Variants in UBE2L3 observed in about 807,000 individuals in gnomAD.
UBE2L3 encodes the protein ubiquitin conjugating enzyme E2 L3, also known as ubiquitin-conjugating enzyme E2 L3.
In UBE2L3, 1 loss-of-function variant was observed where a neutral mutation model predicts 17.8. The ratio of observed to expected loss-of-function variants is 0.06; its 90% confidence interval spans 0.02 to 0.27. The LOEUF is 0.27. Ranked by LOEUF, UBE2L3 falls within the 10% of genes least tolerant of loss-of-function variation. The pLI is 1.00. For missense variants in UBE2L3, 40 were observed against 192.6 expected (o/e 0.21, Z 4.69); for synonymous variants, 44 against 68.5 (o/e 0.64, Z 1.76).
At chr22:21,594,817 C>T (rs1231456331) in intron 2 of UBE2L3, among the ~76,000 whole-genome samples, 2 of 152,158 alleles carry the variant, frequency 1.3e-5, no homozygotes, top group African/African-American at 2.4e-5. Context: ...ACCATCTGAC[C>T]TCTTGTCCCT....
At chr22:21,584,575 G>C (rs1034144964) in intron 1 of UBE2L3, among the ~76,000 whole-genome samples, 6 of 151,836 alleles carry the variant, frequency 4.0e-5, no homozygotes, top group Non-Finnish European at 2.9e-5. Context: ...ATGATCATGG[G>C]CTCAGGCAAT....
intron 1 of UBE2L3, 102 bp downstream of exon 1, chr22:21,567,873 C>G (rs772739662): frequency 8.4e-6 from 13 of 1,544,450 alleles, no homozygotes; most frequent in Non-Finnish European, 9.6e-6. Context: ...GTCTGGCTTC[C>G]TGCCCTACAC....
chr22:21,562,801 G>T (rs1318422327), upstream of UBE2L3, among the ~76,000 whole-genome samples: 2 of 150,808 alleles, frequency 1.3e-5, no homozygotes, highest in African/African-American at 4.9e-5. Context: ...CACCGCGCCT[G>T]GCCCTGTGTA....
chr22:21,599,866 G>C (rs1568982066), intron 2 of UBE2L3, among the ~76,000 whole-genome samples: 2 of 152,138 alleles, frequency 1.3e-5, no homozygotes, highest in Non-Finnish European at 2.9e-5. Flanking sequence ...AGTGAATTAT[G>C]TATGAGAAGT....
chr22:21,604,824 C>T (rs561007190), intron 2 of UBE2L3, among the ~76,000 whole-genome samples: 18 of 152,318 alleles, frequency 1.2e-4, no homozygotes, highest in African/African-American at 4.3e-4. Context: ...CTCCTTTGAC[C>T]ATCCACAGAT....
At chr22:21,596,659 G>A (rs1453320084) in intron 2 of UBE2L3, among the ~76,000 whole-genome samples, 3 of 151,854 alleles carry the variant, frequency 2.0e-5, no homozygotes, top group African/African-American at 4.8e-5. Flanking sequence ...GCTAATTTTT[G>A]TACTTTTAGT....
chr22:21,588,078 C>G (rs1407708592), intron 1 of UBE2L3, among the ~76,000 whole-genome samples: 1 of 152,184 alleles, frequency 6.6e-6, no homozygotes, highest in African/African-American at 2.4e-5. Context: ...CAGCACTGCA[C>G]CATCAGCCCT....
At chr22:21,600,770 C>T (rs1928815486) in intron 2 of UBE2L3, among the ~76,000 whole-genome samples, 2 of 152,164 alleles carry the variant, frequency 1.3e-5, no homozygotes, top group African/African-American at 4.8e-5. Flanking sequence ...GAAAACAGTA[C>T]AAAGAAGTCA....
intron 2 of UBE2L3, among the ~76,000 whole-genome samples, chr22:21,595,971 T>C (rs1299992461): frequency 6.6e-6 from 1 of 152,120 alleles, no homozygotes; most frequent in Non-Finnish European, 1.5e-5. Context: ...GTTCAAGCGA[T>C]TCTCCTGCCT....
At chr22:21,567,435 T>G, upstream of UBE2L3, 1 of 382,478 alleles carries the variant, frequency 2.6e-6, no homozygotes. Flanking sequence ...AGTGCTGGGA[T>G]TACAGGCGTG....
At chr22:21,620,649 C>T (rs1929999602) in intron 3 of UBE2L3, among the ~76,000 whole-genome samples, 1 of 152,004 alleles carries the variant, frequency 6.6e-6, no homozygotes, top group Admixed American at 6.6e-5. Flanking sequence ...CTGTGGCACC[C>T]ATCAGAGCCA....
intron 1 of UBE2L3, among the ~76,000 whole-genome samples, chr22:21,592,417 A>G (rs1035700907): frequency 2.0e-5 from 3 of 152,092 alleles, no homozygotes; most frequent in Non-Finnish European, 4.4e-5. Context: ...AGTTTTATTC[A>G]TCTTTAGCTT....
intron 2 of UBE2L3, among the ~76,000 whole-genome samples, chr22:21,599,337 A>G (rs1928732577): frequency 1.3e-5 from 2 of 151,998 alleles, no homozygotes; most frequent in Admixed American, 1.3e-4. Flanking sequence ...TGTAGCTGTA[A>G]TGGTTGAGAC....
upstream of UBE2L3, chr22:21,567,663 C>T (rs1926699835): frequency 7.1e-6 from 11 of 1,548,968 alleles, no homozygotes; most frequent in South Asian, 8.3e-5. Flanking sequence ...CGCGGCCCCT[C>T]CCCCGCTCCA....
intron 1 of UBE2L3, among the ~76,000 whole-genome samples, chr22:21,576,112 C>CT (rs35221203): frequency 0.022 from 2,524 of 117,124 alleles, 50 homozygotes; most frequent in African/African-American, 0.037. Context: ...TTGAAAGCAA[C>CT]TTTTTTTTTT....
intron 1 of UBE2L3, among the ~76,000 whole-genome samples, chr22:21,558,108 C>T (rs368164): frequency 0.73 from 106,284 of 144,684 alleles, 36,202 homozygotes; most frequent in Non-Finnish European, 0.82. Context: ...TTTTGGGCCA[C>T]GGAGTCTGGG....
intron 2 of UBE2L3, among the ~76,000 whole-genome samples, chr22:21,595,675 T>C (rs1489752014): frequency 6.6e-6 from 1 of 152,196 alleles, no homozygotes; most frequent in Non-Finnish European, 1.5e-5. Flanking sequence ...TAATTTTTTT[T>C]CATCTAAGAT....
At chr22:21,591,869 C>T (rs910197009) in intron 1 of UBE2L3, among the ~76,000 whole-genome samples, 4 of 152,062 alleles carry the variant, frequency 2.6e-5, no homozygotes, top group African/African-American at 7.2e-5. Flanking sequence ...GATGGGAGGC[C>T]GGGCTGAGGC....
chr22:21,609,362 GT>G (rs1929353108), intron 2 of UBE2L3, among the ~76,000 whole-genome samples: 1 of 152,126 alleles, frequency 6.6e-6, no homozygotes, highest in African/African-American at 2.4e-5. Context: ...CCTTCAGTGG[GT>G]TAATGGATAA....
Sources: gnomAD v4.1 joint callset for allele counts (sites outside exome capture counted in the v4.1 genomes callset) on GRCh38, gnomAD v4.1.1 for gene constraint, MANE v1.5 for transcripts, NCBI Gene and HGNC (gene_info 2026-07-23, HGNC 2026-07-21) for gene names.